Variants in DYSF observed in about 807,000 individuals in gnomAD.
DYSF encodes dystrophy-associated fer-1-like 1.
A neutral mutation model predicts 274.9 loss-of-function variants in DYSF; 212 were observed. That is an observed-to-expected ratio of 0.77 (90% confidence interval 0.69 to 0.86). The LOEUF is 0.86. Among genes scored for constraint, DYSF ranks in the 40% least tolerant of loss-of-function variants. The pLI is 0.00. For synonymous variants in DYSF, 1,091 were observed against 1,078.7 expected, an observed-to-expected ratio of 1.01 and a Z score of -0.22; for missense variants, 2,666 against 2,783.2, an observed-to-expected ratio of 0.96 and a Z score of 0.95.
At chr2:71,540,087 G>A (rs79197960) in intron 17 of DYSF, among the ~76,000 whole-genome samples, 3,255 of 150,598 alleles carry the variant, frequency 0.022, 53 homozygotes, top group African/African-American at 0.048. Flanking sequence ...TGGAATTGCT[G>A]TGTGAAAAGA....
chr2:71,604,294 G>A (rs912068232), intron 36 of DYSF, among the ~76,000 whole-genome samples: 49 of 152,186 alleles, frequency 3.2e-4, no homozygotes, highest in African/African-American at 1.1e-3. Flanking sequence ...AGTCCTCTTC[G>A]CTTTAAGAAG....
At chr2:71,551,837 C>T (rs761718035) in intron 19 of DYSF, 117 bp downstream of exon 19, 20 of 781,106 alleles carry the variant, frequency 2.6e-5, no homozygotes, top group Middle Eastern at 7.0e-4. Context: ...CCACACGCAT[C>T]GTGCCTTTAC....
chr2:71,574,474 T>C, intron 30 of DYSF, 103 bp downstream of exon 30: 1 of 1,420,114 alleles, frequency 7.0e-7, no homozygotes, highest in Middle Eastern at 1.9e-4. Context: ...AGGTTAGGAC[T>C]TTTGGATGGA....
rs531327048 is a variant in DYSF, at chr2:71,478,422, A to G, written c.92-2461A>G. Among the ~76,000 whole-genome samples, 12 of 152,162 alleles carry G rather than the reference A, an allele frequency of 7.9e-5. No homozygotes were observed. In the East Asian group the frequency reaches 1.9e-3, roughly 25 times the overall value. ...GAGATGGGGTTTCACCGTGTTAGCC[A>G]GGATGGTCTCAATCTCCTGGTCTCG... On this transcript the variant is annotated intron_variant, in intron 1 of 55. Coordinates refer to ENST00000410020, the MANE Select transcript of DYSF (RefSeq NM_001130987.2).
chr2:71,592,072 C>T (rs1347788589), intron 32 of DYSF, among the ~76,000 whole-genome samples: 1 of 152,246 alleles, frequency 6.6e-6, no homozygotes, highest in Non-Finnish European at 1.5e-5. Context: ...AGTTTATAGC[C>T]TTGCTTCCTC....
chr2:71,525,274 G>T (rs1311923531), intron 12 of DYSF, among the ~76,000 whole-genome samples: 1 of 152,124 alleles, frequency 6.6e-6, no homozygotes, highest in Admixed American at 6.5e-5. Flanking sequence ...GCCCAGGCTG[G>T]AGTGCAGTGG....
At chr2:71,557,977 A>G (rs937031332) in intron 22 of DYSF, among the ~76,000 whole-genome samples, 7 of 151,858 alleles carry the variant, frequency 4.6e-5, no homozygotes, top group African/African-American at 1.5e-4. Context: ...TGTTGCAGTG[A>G]GCTGAGATTG....
chr2:71,515,565 G>A, intron 7 of DYSF, 58 bp from the exon 8 acceptor site: 2 of 1,613,132 alleles, frequency 1.2e-6, no homozygotes, highest in Non-Finnish European at 1.7e-6. Context: ...GGGGTGGATG[G>A]TGGGTGGTCC....
At chr2:71,662,808 TGTG>T (rs1254977058) in intron 45 of DYSF, among the ~76,000 whole-genome samples, 1 of 148,098 alleles carries the variant, frequency 6.8e-6, no homozygotes, top group Non-Finnish European at 1.5e-5. Context: ...TGTGTCTGTG[TGTG>T]GTGTGTGTAT....
intron 37 of DYSF, 39 bp from the exon 38 acceptor site, chr2:71,611,426 G>A (rs377313053): frequency 9.9e-6 from 16 of 1,613,902 alleles, no homozygotes; most frequent in South Asian, 3.3e-5. Context: ...CCTGGGGCCC[G>A]GGGCCTTCTG....
intron 33 of DYSF, 83 bp downstream of exon 33, chr2:71,598,828 C>T: frequency 2.6e-6 from 4 of 1,520,806 alleles, no homozygotes; most frequent in African/African-American, 1.4e-5. Context: ...TCGTGGCTGC[C>T]CAGCCAGATG....
chr2:71,596,026 T>C (rs73942349), intron 32 of DYSF, among the ~76,000 whole-genome samples: 3,460 of 131,482 alleles, frequency 0.026, 133 homozygotes, highest in African/African-American at 0.092. Flanking sequence ...TTTTGAGGAG[T>C]GGGGTCCCGT....
intron 41 of DYSF, among the ~76,000 whole-genome samples, chr2:71,638,162 G>C (rs1282372695): frequency 6.6e-6 from 1 of 151,958 alleles, no homozygotes; most frequent in Non-Finnish European, 1.5e-5. Flanking sequence ...AGAAACACTT[G>C]AGATTCCTGC....
chr2:71,500,704 T>C (rs1242305965), intron 3 of DYSF, among the ~76,000 whole-genome samples: 2 of 151,992 alleles, frequency 1.3e-5, no homozygotes, highest in Non-Finnish European at 2.9e-5. Context: ...CTAACTCTGC[T>C]CTGCTCAGTC....
At chr2:71,527,127 C>G (rs1027951651) in intron 13 of DYSF, among the ~76,000 whole-genome samples, 1 of 152,210 alleles carries the variant, frequency 6.6e-6, no homozygotes, top group Non-Finnish European at 1.5e-5. Context: ...CGGGGCCCCA[C>G]CTCCAGCGTT....
intron 40 of DYSF, among the ~76,000 whole-genome samples, 194 bp downstream of exon 40, chr2:71,613,604 G>A (rs892740660): frequency 2.0e-5 from 3 of 152,168 alleles, no homozygotes; most frequent in African/African-American, 7.2e-5. Context: ...GGTGGGGTGT[G>A]CTCATCTGGG....
At chr2:71,481,807 G>A (rs998209410) in intron 2 of DYSF, 72 bp from the exon 3 acceptor site, 5 of 1,300,756 alleles carry the variant, frequency 3.8e-6, no homozygotes, top group Middle Eastern at 1.8e-4. Flanking sequence ...CTGGTGGCAC[G>A]AAGGTGAACC....
chr2:71,481,760 A>G, intron 2 of DYSF, 119 bp from the exon 3 acceptor site: 2 of 761,808 alleles, frequency 2.6e-6, no homozygotes, highest in East Asian at 2.6e-5. Flanking sequence ...CCATCTGCCT[A>G]TCCACTAGAA....
chr2:71,618,583 TTG>T (rs200820454), intron 40 of DYSF, among the ~76,000 whole-genome samples: 4 of 46,720 alleles, frequency 8.6e-5, no homozygotes, highest in Admixed American at 7.2e-4. Flanking sequence ...TGGGGTAGAG[TTG>T]TGTGTGTGTG....
Sources: gnomAD v4.1 joint callset for allele counts (sites outside exome capture counted in the v4.1 genomes callset) on GRCh38, gnomAD v4.1.1 for gene constraint, MANE v1.5 for transcripts, NCBI Gene and HGNC (gene_info 2026-07-23, HGNC 2026-07-21) for gene names.